Variants in TSHZ2 observed in about 807,000 individuals in gnomAD.
TSHZ2 encodes teashirt zinc finger homeobox 2.
Under a neutral mutation model 74.4 loss-of-function variants are expected in TSHZ2, and 21 were observed. The ratio of observed to expected loss-of-function variants is 0.28; its 90% CI spans 0.20 to 0.41. TSHZ2 has a LOEUF of 0.41. Among genes scored for constraint, TSHZ2 ranks in the 10% least tolerant of loss-of-function variants. The pLI is 1.00. For synonymous variants in TSHZ2, 540 were observed against 515.3 expected (o/e 1.05, Z -0.65); for missense variants, 1,244 against 1,293.5 (o/e 0.96, Z 0.59).
intron 1 of TSHZ2, among the ~76,000 whole-genome samples, chr20:53,204,095 GATGATATGAT>G (rs1209213010): frequency 1.7e-3 from 155 of 89,624 alleles, no homozygotes; most frequent in Non-Finnish European, 2.7e-3. Context: ...ATCATCATAT[GATGATATGAT>G]ATACTATATC....
intron 1 of TSHZ2, among the ~76,000 whole-genome samples, chr20:53,132,352 C>T (rs1223634406): frequency 1.3e-5 from 2 of 149,996 alleles, no homozygotes; most frequent in African/African-American, 5.0e-5. Context: ...CACTCTGTCG[C>T]CCAGGCTGGA....
chr20:53,005,897 A>G (rs1982626361), intron 1 of TSHZ2, among the ~76,000 whole-genome samples: 1 of 152,204 alleles, frequency 6.6e-6, no homozygotes, highest in African/African-American at 2.4e-5. Context: ...CCTTTCCTGT[A>G]TACTCAAGAA....
At chr20:53,186,833 C>A (rs1042739949) in intron 1 of TSHZ2, among the ~76,000 whole-genome samples, 5 of 152,142 alleles carry the variant, frequency 3.3e-5, no homozygotes, top group African/African-American at 1.2e-4. Context: ...AGAGTTACTT[C>A]TTTGCAATCT....
chr20:53,275,900 CT>C (rs1272084791), intron 2 of TSHZ2, among the ~76,000 whole-genome samples: 7 of 152,206 alleles, frequency 4.6e-5, no homozygotes, highest in Non-Finnish European at 7.3e-5. Flanking sequence ...GCACTGCAGC[CT>C]GGGTAACAAG....
intron 2 of TSHZ2, among the ~76,000 whole-genome samples, chr20:53,276,726 G>C (rs138141518): frequency 4.8e-4 from 73 of 152,292 alleles, no homozygotes; most frequent in African/African-American, 1.4e-3. Flanking sequence ...AGATTCAATA[G>C]GTCCAGGGTG....
At chr20:53,009,946 G>A (rs2122994612) in intron 1 of TSHZ2, among the ~76,000 whole-genome samples, 1 of 152,264 alleles carries the variant, frequency 6.6e-6, no homozygotes, top group African/African-American at 2.4e-5. Flanking sequence ...ATGGCTTCGT[G>A]GCATCTTGTG....
At chr20:53,025,263 G>C (rs938700573) in intron 1 of TSHZ2, among the ~76,000 whole-genome samples, 1 of 151,982 alleles carries the variant, frequency 6.6e-6, no homozygotes, top group Non-Finnish European at 1.5e-5. Context: ...ACATTTTATA[G>C]TAAGAGCAAA....
chr20:53,042,546 T>C (rs550007828), intron 1 of TSHZ2, among the ~76,000 whole-genome samples: 1 of 152,236 alleles, frequency 6.6e-6, no homozygotes, highest in South Asian at 2.1e-4. Context: ...TTTAAACAAT[T>C]TGCCTAATGA....
chr20:53,385,300 CTT>C (rs1317774841), intron 2 of TSHZ2, among the ~76,000 whole-genome samples: 3 of 152,020 alleles, frequency 2.0e-5, no homozygotes, highest in East Asian at 3.9e-4. Context: ...ATATTATTGA[CTT>C]ATGATATTTC....
intron 2 of TSHZ2, among the ~76,000 whole-genome samples, chr20:53,366,738 A>G (rs551007851): frequency 1.3e-5 from 2 of 152,308 alleles, no homozygotes; most frequent in Non-Finnish European, 2.9e-5. Flanking sequence ...ACTCTGTTCC[A>G]TATTTCCCCC....
intron 2 of TSHZ2, among the ~76,000 whole-genome samples, chr20:53,302,626 G>A (rs1263615418): frequency 6.6e-6 from 1 of 152,138 alleles, no homozygotes; most frequent in Non-Finnish European, 1.5e-5. Flanking sequence ...TCAGGATTAG[G>A]CCACAGGAAA....
rs1225456187 is a variant in TSHZ2 at position 53,074,179 on chromosome 20, G to A, written c.40+100846G>A. Among the ~76,000 whole-genome samples the A allele has an allele frequency of 1.3e-5, 2 of 152,150 alleles. No homozygotes were observed. The highest frequency in any genetic ancestry group is 1.9e-4 in the East Asian group (1 of 5,196). On this transcript the variant is annotated intron_variant, in intron 1 of 2. Transcript: ENST00000371497. This position sits in a 1 kb window ranked among gnomAD's most constrained non-coding sequence, Gnocchi z 5.9. ...GTTCAAATGTCGCCTTCTCAATGGAGCCCTCCTTGACCACTCCCTTGTGAA... is the reference window on the plus strand; with the variant it reads ...GTTCAAATGTCGCCTTCTCAATGGAACCCTCCTTGACCACTCCCTTGTGAA...
At chr20:53,046,249 A>G (rs1218239086) in intron 1 of TSHZ2, among the ~76,000 whole-genome samples, 1 of 152,166 alleles carries the variant, frequency 6.6e-6, no homozygotes, top group Non-Finnish European at 1.5e-5. Flanking sequence ...ATGTGAGCCA[A>G]CTGTGCATAT....
intron 1 of TSHZ2, among the ~76,000 whole-genome samples, chr20:53,035,856 G>A (rs1172708587): frequency 6.6e-6 from 1 of 152,174 alleles, no homozygotes; most frequent in East Asian, 1.9e-4. Context: ...GATTAGAAGT[G>A]CACATCAAAC....
intron 1 of TSHZ2, among the ~76,000 whole-genome samples, chr20:53,226,929 G>A (rs557495272): frequency 6.6e-6 from 1 of 152,310 alleles, no homozygotes; most frequent in African/African-American, 2.4e-5. Flanking sequence ...TAGGGTTGTT[G>A]TTCGGGGAAC....
chr20:53,094,791 G>A (rs1032161358), intron 1 of TSHZ2, among the ~76,000 whole-genome samples: 1 of 152,100 alleles, frequency 6.6e-6, no homozygotes, highest in Non-Finnish European at 1.5e-5. Context: ...CAGAAATCAG[G>A]ACTGATGGAT....
At chr20:53,076,695 C>T (rs537505574) in intron 1 of TSHZ2, among the ~76,000 whole-genome samples, 1 of 152,234 alleles carries the variant, frequency 6.6e-6, no homozygotes, top group East Asian at 1.9e-4. Flanking sequence ...GAGTGGAGAA[C>T]ATTTTAGGCA....
intron 2 of TSHZ2, among the ~76,000 whole-genome samples, chr20:53,340,309 G>A (rs1980143839): frequency 2.7e-5 from 4 of 149,306 alleles, no homozygotes. Flanking sequence ...CAGCCTCCGA[G>A]TAGCTGGGAC....
chr20:53,205,661 T>C (rs1989150604), intron 1 of TSHZ2, among the ~76,000 whole-genome samples: 1 of 152,182 alleles, frequency 6.6e-6, no homozygotes, highest in African/African-American at 2.4e-5. Context: ...ACCTGATACT[T>C]GTCCACAATT....
Sources: allele counts gnomAD v4.1 joint callset (sites outside exome capture counted in the v4.1 genomes callset), GRCh38; gene constraint gnomAD v4.1.1; non-coding constraint Gnocchi (gnomAD v3.1); transcripts MANE v1.5; gene names NCBI Gene and HGNC (gene_info 2026-07-23, HGNC 2026-07-21).